The following VPS41 variants were observed in gnomAD, a reference collection of about 807,000 sequenced individuals.
The protein encoded by VPS41 is vacuolar protein sorting-associated protein 41 homolog.
VPS41 carries 85 observed loss-of-function variants against 130.9 expected under a neutral mutation model. That is an observed-to-expected ratio of 0.65 (90% CI 0.55 to 0.78). The LOEUF (loss-of-function observed/expected upper bound fraction) is 0.78. VPS41 is among the 30% of genes least tolerant of loss of function. VPS41 has a pLI of 0.00. For missense variants in VPS41, 874 were observed against 1,018.7 expected, an observed-to-expected ratio of 0.86 and a Z score of 1.93; for synonymous variants, 335 against 332.9, an observed-to-expected ratio of 1.01 and a Z score of -0.07.
Position 38,797,170 on chromosome 7 carries a change from T to C in VPS41, c.451-306A>G. On this transcript the variant is annotated intron_variant, in intron 7 of 28. Transcript: ENST00000310301. Reference sequence around the variant, plus strand: ...ACATTAGTTAATCAAAAGATTTGTATCGCAAAAGTTCTTCAAATGATTGTC... The same window carrying C: ...ACATTAGTTAATCAAAAGATTTGTACCGCAAAAGTTCTTCAAATGATTGTC... 1.5e-5 allele frequency: 3 copies of C among 205,656 alleles called. No homozygotes were observed. The South Asian group carries it at 3.8e-4, about 26-fold the overall frequency. 12.7% of individuals were successfully genotyped at this position (205,656 alleles called of 1,614,324 possible).
chr7:38,834,734 G>A (rs1785458620), intron 4 of VPS41, among the ~76,000 whole-genome samples: 1 of 151,974 alleles, frequency 6.6e-6, no homozygotes. Context: ...AAATGTCTGA[G>A]ATCGACATCT....
chr7:38,787,998 G>A (rs756724802), intron 10 of VPS41, among the ~76,000 whole-genome samples: 1 of 152,140 alleles, frequency 6.6e-6, no homozygotes, highest in Non-Finnish European at 1.5e-5. Flanking sequence ...CAGGGTTCTA[G>A]GCTAATAGGG....
intron 7 of VPS41, among the ~76,000 whole-genome samples, chr7:38,811,701 G>A (rs993115207): frequency 2.0e-5 from 3 of 151,338 alleles, no homozygotes; most frequent in African/African-American, 7.3e-5. Flanking sequence ...TAATTTGCTT[G>A]TATTACCCTA....
rs199785004 is a variant in VPS41, at chr7:38,758,448, C to A, written c.1456G>T (p.Asp486Tyr). ...ACTATGACTGAATTATTATACAGAT[C>A]TCCAGGCCATTCTCGGATCAATGTG... ...FATLIREWPG[D>Y]LYNNSVIVQA... Residue 486 changes from aspartate to tyrosine, a missense_variant, in exon 18 of 29, where the codon GAT becomes TAT. Physicochemically the swap from Asp to Tyr is radical, Grantham distance 160. Coordinates refer to ENST00000310301, the MANE Select transcript of VPS41 (RefSeq NM_014396.4). 2 of 1,613,246 alleles carry A rather than the reference C, an allele frequency of 1.2e-6. No homozygotes were observed. Among genetic ancestry groups the A allele is most frequent in the Non-Finnish European group, 1.7e-6 (2 of 1,179,678 alleles).
At chr7:38,828,956 G>T (rs1003395060) in intron 5 of VPS41, among the ~76,000 whole-genome samples, 4 of 152,274 alleles carry the variant, frequency 2.6e-5, no homozygotes, top group Non-Finnish European at 4.4e-5. Flanking sequence ...TAATAAAAAT[G>T]AGTACTATCT....
intron 25 of VPS41, among the ~76,000 whole-genome samples, chr7:38,730,479 C>T (rs1250003600): frequency 6.6e-6 from 1 of 152,144 alleles, no homozygotes; most frequent in African/African-American, 2.4e-5. Context: ...TATTGATGAA[C>T]AGGAAATTAC....
At chr7:38,890,251 G>T (rs983755012) in intron 2 of VPS41, among the ~76,000 whole-genome samples, 4 of 152,130 alleles carry the variant, frequency 2.6e-5, no homozygotes, top group Non-Finnish European at 5.9e-5. Flanking sequence ...CTAGTTAAAA[G>T]ACTGGCAGAG....
At position 38,754,679 on chromosome 7, in the gene VPS41, AAGG is replaced by A. The variant is rs1562572867; in HGVS notation, c.1788+20_1788+22del. The A allele has an allele frequency of 1.2e-6, 2 of 1,609,332 alleles. No individual in the cohort carries two copies. The highest frequency in any genetic ancestry group is 2.2e-5 in the East Asian group (1 of 44,698). On this transcript the variant is annotated intron_variant, in intron 21 of 28. Transcript: ENST00000310301. ...ACCCACTGGTCAATCAAAAGGGCAA[AAGG>A]AGGAGACTGCCATGCTCACCACATG... is the stretch of plus-strand genomic sequence containing the variant.
At chr7:38,818,268 A>G (rs1785101266) in intron 6 of VPS41, among the ~76,000 whole-genome samples, 1 of 152,002 alleles carries the variant, frequency 6.6e-6, no homozygotes, top group East Asian at 1.9e-4. Context: ...AAAAACAGAA[A>G]GAAGCCAACT....
Position 38,796,817 on chromosome 7 carries a change from A to G in VPS41, c.498T>C (p.Val166=). 2.5e-6 allele frequency: 4 copies of G among 1,614,046 alleles called. No individual in the cohort carries two copies. Among genetic ancestry groups the G allele is most frequent in the Non-Finnish European group, 3.4e-6 (4 of 1,179,910 alleles). ...RSWMNRWKSA[V]LHEGEGNIRS... ...TTATGTTCCCTTCCCCTTCATGCAG[A>G]ACAGCAGACTTCCATCTGTTCATCC... Residue 166 remains valine, a synonymous_variant, in exon 8 of 29, where the codon GTT becomes GTC. Coordinates refer to ENST00000310301, the MANE Select transcript of VPS41 (RefSeq NM_014396.4).
At chr7:38,747,346 T>G (rs922507807) in intron 22 of VPS41, among the ~76,000 whole-genome samples, 1 of 152,142 alleles carries the variant, frequency 6.6e-6, no homozygotes, top group Non-Finnish European at 1.5e-5. Context: ...AAGATACAGA[T>G]AGTTTATAGT....
chr7:38,787,893 G>A (rs540273560), intron 10 of VPS41, among the ~76,000 whole-genome samples: 1 of 152,162 alleles, frequency 6.6e-6, no homozygotes, highest in Non-Finnish European at 1.5e-5. Flanking sequence ...AACCATAGTA[G>A]TAAAATGTCA....
chr7:38,738,695 T>C (rs1412334120), intron 25 of VPS41, among the ~76,000 whole-genome samples: 2 of 152,250 alleles, frequency 1.3e-5, no homozygotes, highest in African/African-American at 4.8e-5. Context: ...AAGTGCTATT[T>C]GTCCTTGAAA....
In VPS41 at chr7:38,872,069, G is replaced by A. The variant is rs190365203; in HGVS notation, c.61-2816C>T. On this transcript the variant is annotated intron_variant, in intron 2 of 28. Transcript: ENST00000310301. ...GAGTGGTTCACTGAGGACTTCTCACGGCGTTGCAGACAAGATGTCAGCTAG... is the reference window on the plus strand; with the variant it reads ...GAGTGGTTCACTGAGGACTTCTCACAGCGTTGCAGACAAGATGTCAGCTAG... 5.3e-5 allele frequency among the ~76,000 whole-genome samples: 8 copies of A among 152,252 alleles called. No homozygotes were observed. The East Asian group carries it at 7.7e-4, about 15-fold the overall frequency.
chr7:38,767,578 T>G lies in VPS41; in HGVS notation c.1206A>C (p.Ile402=), dbSNP rs1784073311. Residue 402 remains isoleucine (I), a synonymous_variant, in exon 15 of 29, where the codon ATA becomes ATC. Coordinates refer to ENST00000310301, the MANE Select transcript of VPS41 (RefSeq NM_014396.4). The stretch of plus-strand genomic sequence containing the variant: ...AGTCTCCTCTCTCCACCAGGTGATT[T>G]ATATATGCCAAGCCAATATCCTAGA... ...HKILDIGLAY[I]NHLVERGDYD... is the part of the protein sequence containing the mutation. 1 of 1,610,330 alleles carries G rather than the reference T, an allele frequency of 6.2e-7. No homozygotes were observed.
At chr7:38,766,271 A>G (rs1256539100) in intron 15 of VPS41, among the ~76,000 whole-genome samples, 3 of 152,074 alleles carry the variant, frequency 2.0e-5, no homozygotes, top group African/African-American at 7.2e-5. Context: ...TCCAGTGGGA[A>G]CCCCTCACAC....
intron 1 of VPS41, among the ~76,000 whole-genome samples, chr7:38,898,941 T>C (rs890503879): frequency 1.5e-5 from 1 of 67,700 alleles, no homozygotes; most frequent in Non-Finnish European, 2.7e-5. Flanking sequence ...ATCCATGAGA[T>C]AAACAAAGAA....
intron 25 of VPS41, 114 bp from the exon 26 acceptor site, chr7:38,728,905 GCACT>G: frequency 1.1e-6 from 1 of 900,152 alleles, no homozygotes; most frequent in Non-Finnish European, 1.7e-6. Flanking sequence ...CTCAAAAGGG[GCACT>G]CACTGATTCT....
intron 3 of VPS41, among the ~76,000 whole-genome samples, chr7:38,868,116 TG>T (rs1786267559): frequency 6.6e-6 from 1 of 151,950 alleles, no homozygotes; most frequent in Non-Finnish European, 1.5e-5. Context: ...GCCTTATCAA[TG>T]GGGAGATGAA....
Sources: allele counts gnomAD v4.1 joint callset (sites outside exome capture counted in the v4.1 genomes callset), GRCh38; gene constraint gnomAD v4.1.1; transcripts MANE v1.5; gene names NCBI Gene and HGNC (gene_info 2026-07-23, HGNC 2026-07-21).